Variants in C10orf90 observed in about 807,000 individuals in gnomAD.
The protein encoded by C10orf90 is (E2-independent) E3 ubiquitin-conjugating enzyme FATS.
Under a neutral mutation model 62.5 loss-of-function variants are expected in C10orf90, and 56 were observed. The ratio of observed to expected loss-of-function variants is 0.90; its 90% CI spans 0.72 to 1.12. The LOEUF (loss-of-function observed/expected upper bound fraction) is 1.12. Among genes scored for constraint, C10orf90 ranks in the 50% most tolerant of loss-of-function variants. The pLI is 0.00. For synonymous variants in C10orf90, 386 were observed against 340.4 expected (o/e 1.13, Z -1.47); for missense variants, 970 against 880.4 (o/e 1.10, Z -1.29).
intron 7 of C10orf90, among the ~76,000 whole-genome samples, chr10:126,451,378 T>C (rs533845272): frequency 3.3e-5 from 5 of 152,262 alleles, no homozygotes; most frequent in African/African-American, 7.2e-5. Flanking sequence ...AGCACTCCTG[T>C]GTTCGTTGCG....
chr10:126,474,450 T>C (rs917656143), intron 4 of C10orf90, among the ~76,000 whole-genome samples: 1 of 152,226 alleles, frequency 6.6e-6, no homozygotes. Flanking sequence ...CAGCCTGGCT[T>C]TCTTCTTTCC....
intron 4 of C10orf90, among the ~76,000 whole-genome samples, chr10:126,499,108 T>G (rs1862241805): frequency 6.6e-6 from 1 of 152,204 alleles, no homozygotes; most frequent in South Asian, 2.1e-4. Context: ...GTAAATAAAG[T>G]TTTATTGGCA....
intron 4 of C10orf90, among the ~76,000 whole-genome samples, chr10:126,465,590 G>C (rs1860241415): frequency 6.6e-6 from 1 of 152,082 alleles, no homozygotes; most frequent in Non-Finnish European, 1.5e-5. Context: ...CAGAAGCATT[G>C]GTGCTGAGTT....
At chr10:126,476,320 C>T (rs977220311) in intron 4 of C10orf90, among the ~76,000 whole-genome samples, 2 of 152,206 alleles carry the variant, frequency 1.3e-5, no homozygotes, top group African/African-American at 4.8e-5. Flanking sequence ...AAACACGTGG[C>T]CCTGTGTGCA....
intron 2 of C10orf90, among the ~76,000 whole-genome samples, chr10:126,576,620 G>C (rs546428691): frequency 6.8e-6 from 1 of 147,850 alleles, no homozygotes; most frequent in East Asian, 2.0e-4. Context: ...ATCTGCACCC[G>C]CATGTTTGCT....
chr10:126,558,725 C>T lies in C10orf90; in HGVS notation c.314-44786G>A, dbSNP rs74616247. ...ACACTGTTGGAACACTTCTATGTTA[C>T]TGCCATGGATGAAGAATCCAAGGTC... On this transcript the variant is annotated intron_variant, in intron 2 of 9. Coordinates refer to ENST00000488181, the MANE Select transcript of C10orf90 (RefSeq NM_001350921.2). Among the ~76,000 whole-genome samples, 796 of 152,336 alleles carry T rather than the reference C, an allele frequency of 5.2e-3. 2 individuals carry two copies. Among genetic ancestry groups the T allele is most frequent in the East Asian group, 0.019 (98 of 5,170 alleles).
At position 126,641,174 on chromosome 10, in the gene C10orf90, G is replaced by A. The variant is rs1333249878; in HGVS notation, c.313+5391C>T. Among the ~76,000 whole-genome samples, 5 of 152,220 alleles carry A rather than the reference G, an allele frequency of 3.3e-5. No homozygotes were observed. The East Asian group carries it at 5.8e-4, about 18-fold the overall frequency. On this transcript the variant is annotated intron_variant, in intron 2 of 9. Coordinates refer to ENST00000488181, the MANE Select transcript of C10orf90 (RefSeq NM_001350921.2). The stretch of plus-strand genomic sequence containing the variant: ...CTGGAAGAGAAAATAAATGTAACTC[G>A]CACCAGGTTCTGGGATGTTTTTAAG...
At chr10:126,607,918 A>T (rs1404757030) in intron 2 of C10orf90, among the ~76,000 whole-genome samples, 1 of 152,220 alleles carries the variant, frequency 6.6e-6, no homozygotes, top group Non-Finnish European at 1.5e-5. Context: ...TTCCACTTAC[A>T]TGAAGTACTT....
intron 7 of C10orf90, among the ~76,000 whole-genome samples, chr10:126,434,787 C>T (rs1857812406): frequency 6.6e-6 from 1 of 152,172 alleles, no homozygotes; most frequent in Non-Finnish European, 1.5e-5. Context: ...TGCCGCCGGC[C>T]GTTAGAGTAA....
At chr10:126,519,562 AT>A (rs1478145035) in intron 2 of C10orf90, among the ~76,000 whole-genome samples, 1 of 152,170 alleles carries the variant, frequency 6.6e-6, no homozygotes, top group African/African-American at 2.4e-5. Context: ...GCCTTCTCTT[AT>A]TTGTAGTCTT....
At chr10:126,429,221 G>A (rs2133980038) in intron 8 of C10orf90, among the ~76,000 whole-genome samples, 1 of 152,192 alleles carries the variant, frequency 6.6e-6, no homozygotes, top group African/African-American at 2.4e-5. Context: ...GAATTAGTGG[G>A]AGTCTTGAAC....
At chr10:126,584,455 T>C (rs1591121124) in intron 2 of C10orf90, among the ~76,000 whole-genome samples, 1 of 152,278 alleles carries the variant, frequency 6.6e-6, no homozygotes, top group African/African-American at 2.4e-5. Flanking sequence ...TGTCTACCTG[T>C]CTGTCTATCC....
chr10:126,669,638 G>A (rs1272630590), intron 1 of C10orf90, among the ~76,000 whole-genome samples: 1 of 151,176 alleles, frequency 6.6e-6, no homozygotes, highest in Non-Finnish European at 1.5e-5. Context: ...ATACAAATAT[G>A]TTTCAGAGTA....
chr10:126,470,113 G>A (rs1216417508), intron 4 of C10orf90: 1 of 441,068 alleles, frequency 2.3e-6, no homozygotes, highest in Non-Finnish European at 4.6e-6. Flanking sequence ...TCTTCTGCAT[G>A]TTGTGTCCTG....
chr10:126,651,583 G>A (rs1330826429), intron 1 of C10orf90, among the ~76,000 whole-genome samples: 1 of 152,052 alleles, frequency 6.6e-6, no homozygotes, highest in South Asian at 2.1e-4. Context: ...TTCTGGGTTA[G>A]GGTTTTCCAT....
chr10:126,438,992 T>C (rs2134015363), intron 7 of C10orf90, among the ~76,000 whole-genome samples: 1 of 152,170 alleles, frequency 6.6e-6, no homozygotes. Context: ...TCATGGCCAC[T>C]CCATTGGTAC....
intron 2 of C10orf90, among the ~76,000 whole-genome samples, chr10:126,560,811 C>T (rs1221988566): frequency 6.6e-6 from 1 of 152,198 alleles, no homozygotes; most frequent in Non-Finnish European, 1.5e-5. Context: ...GGCGTGGATG[C>T]ATTCCAACAG....
intron 1 of C10orf90, among the ~76,000 whole-genome samples, chr10:126,653,030 G>A (rs1021672353): frequency 7.9e-5 from 12 of 152,134 alleles, no homozygotes; most frequent in African/African-American, 2.7e-4. Flanking sequence ...GTCAAAAAAT[G>A]TACATACCTT....
At chr10:126,624,118 C>G (rs762284954) in intron 2 of C10orf90, among the ~76,000 whole-genome samples, 15 of 152,050 alleles carry the variant, frequency 9.9e-5, no homozygotes, top group Non-Finnish European at 2.2e-4. Flanking sequence ...GAGGCTGAGG[C>G]AGGCAGATCA....
Sources: allele counts gnomAD v4.1 joint callset (sites outside exome capture counted in the v4.1 genomes callset), GRCh38; gene constraint gnomAD v4.1.1; transcripts MANE v1.5; gene names NCBI Gene and HGNC (gene_info 2026-07-23, HGNC 2026-07-21).